Variants in HPSE2 observed in about 807,000 individuals in gnomAD.
The protein encoded by HPSE2 is inactive heparanase-2.
A neutral mutation model predicts 60.5 loss-of-function variants in HPSE2; 38 were observed. The ratio of observed to expected loss-of-function variants is 0.63; its 90% CI spans 0.48 to 0.82. The LOEUF (loss-of-function observed/expected upper bound fraction) is 0.82. Among genes scored for constraint, HPSE2 ranks in the 40% least tolerant of loss-of-function variants. The pLI is 0.00. For missense variants in HPSE2, 713 were observed against 740.4 expected, an observed-to-expected ratio of 0.96 and a Z score of 0.43; for synonymous variants, 295 against 293.2, an observed-to-expected ratio of 1.01 and a Z score of -0.06.
At chr10:98,765,655 T>C (rs975050026) in intron 3 of HPSE2, among the ~76,000 whole-genome samples, 8 of 151,850 alleles carry the variant, frequency 5.3e-5, no homozygotes, top group African/African-American at 1.9e-4. Flanking sequence ...CTGGCCAAGA[T>C]GCTGAAACCC....
intron 3 of HPSE2, among the ~76,000 whole-genome samples, chr10:99,128,546 C>G (rs996629797): frequency 6.6e-6 from 1 of 151,952 alleles, no homozygotes; most frequent in African/African-American, 2.4e-5. Flanking sequence ...ATGGATGAAC[C>G]TGGAAGCCAT....
intron 5 of HPSE2, among the ~76,000 whole-genome samples, chr10:98,717,861 T>C (rs927366929): frequency 6.6e-6 from 1 of 152,114 alleles, no homozygotes; most frequent in Non-Finnish European, 1.5e-5. Context: ...GCGCAATAAA[T>C]ATGAGGTTTG....
chr10:98,698,400 T>C lies in HPSE2; in HGVS notation c.957-4453A>G, dbSNP rs1447847468. Among the ~76,000 whole-genome samples, 4 of 151,128 alleles carry C rather than the reference T, an allele frequency of 2.6e-5. No individual in the cohort carries two copies. The East Asian group carries it at 5.8e-4, about 22-fold the overall frequency. On this transcript the variant is annotated intron_variant, in intron 5 of 11. Transcript: ENST00000370552. ...TGCTCCTGAATGACTACTGGGTACA[T>C]AACGAAATGAAGGCAGAAATAAAGA...
intron 5 of HPSE2, among the ~76,000 whole-genome samples, chr10:98,705,045 A>G (rs913575881): frequency 6.6e-6 from 1 of 152,236 alleles, no homozygotes; most frequent in Non-Finnish European, 1.5e-5. Context: ...TCTACAAGGA[A>G]CTTAAACAAA....
At chr10:99,012,959 T>G in intron 3 of HPSE2, 1 of 312,720 alleles carries the variant, frequency 3.2e-6, no homozygotes, top group Non-Finnish European at 6.2e-6. Flanking sequence ...TGTTTTCAAA[T>G]AAGTGGTCTT....
At chr10:99,213,098 T>C (rs182795754) in intron 2 of HPSE2, among the ~76,000 whole-genome samples, 1 of 152,146 alleles carries the variant, frequency 6.6e-6, no homozygotes, top group East Asian at 1.9e-4. Flanking sequence ...GGAAAGAGAA[T>C]TGGCACTGTA....
At chr10:99,042,395 C>A (rs536053898) in intron 3 of HPSE2, among the ~76,000 whole-genome samples, 1 of 151,750 alleles carries the variant, frequency 6.6e-6, no homozygotes, top group Non-Finnish European at 1.5e-5. Context: ...GTGGAATTCC[C>A]AGAGGCATTT....
At chr10:98,605,338 C>T (rs2133952965) in intron 9 of HPSE2, among the ~76,000 whole-genome samples, 1 of 152,314 alleles carries the variant, frequency 6.6e-6, no homozygotes, top group African/African-American at 2.4e-5. Flanking sequence ...CCACCCAACA[C>T]AGATTGTAAA....
At chr10:99,161,125 G>A (rs1294475152) in intron 2 of HPSE2, among the ~76,000 whole-genome samples, 2 of 151,686 alleles carry the variant, frequency 1.3e-5, no homozygotes, top group Non-Finnish European at 2.9e-5. Context: ...GGAAGCTGAG[G>A]CAGGAAGACA....
chr10:98,680,022 T>C (rs1947745261), intron 6 of HPSE2, among the ~76,000 whole-genome samples: 1 of 152,198 alleles, frequency 6.6e-6, no homozygotes, highest in Non-Finnish European at 1.5e-5. Context: ...TGAAAACTGA[T>C]TTTTAAATTT....
chr10:98,887,173 T>C (rs563310607), intron 3 of HPSE2, among the ~76,000 whole-genome samples: 7 of 152,222 alleles, frequency 4.6e-5, no homozygotes, highest in African/African-American at 1.4e-4. Flanking sequence ...TATTAGTTCA[T>C]TTTTTCAGGT....
intron 3 of HPSE2, among the ~76,000 whole-genome samples, chr10:98,877,013 G>A (rs1952895064): frequency 6.6e-6 from 1 of 151,364 alleles, no homozygotes; most frequent in South Asian, 2.1e-4. Context: ...CTTTATATAG[G>A]GCATGCTATT....
chr10:98,766,248 T>C (rs989883907), intron 3 of HPSE2, among the ~76,000 whole-genome samples: 2 of 152,086 alleles, frequency 1.3e-5, no homozygotes, highest in Non-Finnish European at 2.9e-5. Context: ...AAAATAGGAA[T>C]AATCATATAT....
rs949258865 is a variant in HPSE2 at position 99,037,082 on chromosome 10, A to T, written c.610+107156T>A. 2.0e-5 allele frequency among the ~76,000 whole-genome samples: 3 copies of T among 152,188 alleles called. No individual in the cohort carries two copies. In the East Asian group the frequency reaches 5.8e-4, roughly 29 times the overall value. On this transcript the variant is annotated intron_variant, in intron 3 of 11. Transcript: ENST00000370552. ...TCTGTGGTAAACTTCCCAAAAATCCATAACTTCAGTCTAAACATAGGAAAA... is the reference window on the plus strand; with the variant it reads ...TCTGTGGTAAACTTCCCAAAAATCCTTAACTTCAGTCTAAACATAGGAAAA...
chr10:99,132,241 G>GAGAGAAAGAAAGAAAGAAAGAA (rs1845466494), intron 3 of HPSE2, among the ~76,000 whole-genome samples: 1 of 28,956 alleles, frequency 3.5e-5, no homozygotes, highest in Non-Finnish European at 7.7e-5. Context: ...GAGAGAGAGA[G>GAGAGAAAGAAAGAAAGAAAGAA]AGAAAGAAAG....
chr10:98,817,203 GGTCA>G (rs1330130296), intron 3 of HPSE2, among the ~76,000 whole-genome samples: 2 of 152,072 alleles, frequency 1.3e-5, no homozygotes, highest in East Asian at 3.9e-4. Context: ...TTTTCCTATT[GGTCA>G]GTATTATTAT....
intron 3 of HPSE2, among the ~76,000 whole-genome samples, chr10:98,965,673 C>T (rs1006400906): frequency 1.3e-5 from 2 of 152,152 alleles, no homozygotes; most frequent in African/African-American, 4.8e-5. Context: ...TCAAAACCTA[C>T]CTACTCTATG....
chr10:98,601,604 C>T (rs1945428599), intron 9 of HPSE2, among the ~76,000 whole-genome samples: 1 of 152,222 alleles, frequency 6.6e-6, no homozygotes, highest in African/African-American at 2.4e-5. Flanking sequence ...CTTACACAGG[C>T]AACTAAGTTG....
intron 3 of HPSE2, 32 bp from the exon 4 acceptor site, chr10:98,744,088 T>G: frequency 6.2e-7 from 1 of 1,601,494 alleles, no homozygotes; most frequent in Non-Finnish European, 8.5e-7. Flanking sequence ...CTTGTAACTT[T>G]CAAATCAACA....
Sources: allele counts gnomAD v4.1 joint callset (sites outside exome capture counted in the v4.1 genomes callset), GRCh38; gene constraint gnomAD v4.1.1; transcripts MANE v1.5; gene names NCBI Gene and HGNC (gene_info 2026-07-23, HGNC 2026-07-21).